Variants in PCDHGA10 observed in about 807,000 individuals in gnomAD.
PCDHGA10 encodes protocadherin gamma subfamily A, 10.
Under a neutral mutation model 59.5 loss-of-function variants are expected in PCDHGA10, and 42 were observed. That is an observed-to-expected ratio of 0.71 (90% CI 0.55 to 0.91). The LOEUF (loss-of-function observed/expected upper bound fraction) is 0.91. PCDHGA10 is among the 40% of genes least tolerant of loss of function. The pLI is 0.00. For missense variants in PCDHGA10, 1,111 were observed against 1,198.2 expected, an observed-to-expected ratio of 0.93 and a Z score of 1.07; for synonymous variants, 511 against 517.2, an observed-to-expected ratio of 0.99 and a Z score of 0.16.
chr5:141,469,372 C>T (rs780872014), intron 1 of PCDHGA10, among the ~76,000 whole-genome samples: 2 of 151,990 alleles, frequency 1.3e-5, no homozygotes, highest in African/African-American at 2.4e-5. Context: ...GTAAAGAGAT[C>T]GAGACCATCC....
intron 1 of PCDHGA10, chr5:141,421,722 G>C: frequency 6.2e-7 from 1 of 1,613,972 alleles, no homozygotes; most frequent in Non-Finnish European, 8.5e-7. Flanking sequence ...ATGTGGGCGT[G>C]AACTCCCTCC....
rs375404779 is a variant in PCDHGA10 at position 141,419,760 on chromosome 5, A to T, written c.2436+4149A>T. 11 of 1,613,876 alleles carry T rather than the reference A, an allele frequency of 6.8e-6. No homozygotes were observed. The highest frequency in any genetic ancestry group is 9.3e-6 in the Non-Finnish European group (11 of 1,179,904). On this transcript the variant is annotated intron_variant, in intron 1 of 3. Coordinates refer to ENST00000398610, the MANE Select transcript of PCDHGA10 (RefSeq NM_018913.3). ...GTGCGCATGGTGCGTGCTTTGGGTG[A>T]CAAGGACTCGGTCCGCCAGCGCCTG...
rs558074504 is a variant in PCDHGA10, at chr5:141,489,065, C to G, written c.2437-5742C>G. On this transcript the variant is annotated intron_variant, in intron 1 of 3. Coordinates refer to ENST00000398610, the MANE Select transcript of PCDHGA10 (RefSeq NM_018913.3). This position sits in a 1 kb window ranked among gnomAD's most constrained non-coding sequence, Gnocchi z 4.5. ...CCACTCAAATTCAGCTCCCCTCCCC[C>G]CTGCCCACCCCCGCCACTCGGTGAC... is the stretch of plus-strand genomic sequence containing the variant. The G allele has an allele frequency of 1.5e-4, 57 of 389,046 alleles. No homozygotes were observed. Among genetic ancestry groups the G allele is most frequent in the African/African-American group, 8.5e-4 (40 of 47,278 alleles). 24.1% of individuals were successfully genotyped at this position (389,046 alleles called of 1,614,324 possible).
At chr5:141,423,022 T>C in intron 1 of PCDHGA10, 1 of 1,614,194 alleles carries the variant, frequency 6.2e-7, no homozygotes, top group Non-Finnish European at 8.5e-7. Flanking sequence ...GGACAAAGAT[T>C]CAGGCCAGAA....
At chr5:141,459,735 T>A (rs114520602) in intron 1 of PCDHGA10, among the ~76,000 whole-genome samples, 1 of 152,374 alleles carries the variant, frequency 6.6e-6, no homozygotes, top group Non-Finnish European at 1.5e-5. Flanking sequence ...GTCAATTTTT[T>A]AAATTTTAGC....
chr5:141,444,265 A>G (rs1355824197), intron 1 of PCDHGA10, among the ~76,000 whole-genome samples: 3 of 133,712 alleles, frequency 2.2e-5, no homozygotes, highest in Non-Finnish European at 3.1e-5. Flanking sequence ...TCCGCCTCCC[A>G]GGTTCAAGTG....
intron 1 of PCDHGA10, chr5:141,423,606 GAT>G: frequency 6.2e-7 from 1 of 1,612,164 alleles, no homozygotes; most frequent in African/African-American, 1.3e-5. Flanking sequence ...AGCCACTCTT[GAT>G]AGCTGAAGAC....
At position 141,486,883 on chromosome 5, in the gene PCDHGA10, C is replaced by G. The variant is rs1234866888; in HGVS notation, c.2437-7924C>G. The G allele has an allele frequency of 1.2e-6, 2 of 1,614,214 alleles. No individual in the cohort carries two copies. ...CTCCAGCTGTGCTCCGTCCTCGGGC[C>G]CGGCCTGGTTCCTTATGTCCCCAAG... On this transcript the variant is annotated intron_variant, in intron 1 of 3. Coordinates refer to ENST00000398610, the MANE Select transcript of PCDHGA10 (RefSeq NM_018913.3). The surrounding 1 kb of genome is among the most constrained non-coding windows in gnomAD (Gnocchi z 5.0).
At position 141,511,256 on chromosome 5, in the gene PCDHGA10, T is replaced by C. The variant is rs1003866304; in HGVS notation, c.*83T>C. On this transcript the variant is annotated 3_prime_UTR_variant, in exon 4 of 4. Transcript: ENST00000398610. ...CTTACCTGCACCCAGGCCTCAGAGT[T>C]TCAGGGCTAACCCCCAGAATACTGG... The C allele has an allele frequency of 1.9e-6, 3 of 1,563,388 alleles. No homozygotes were observed. The highest frequency in any genetic ancestry group is 2.7e-5 in the African/African-American group (2 of 73,508).
chr5:141,503,392 C>T lies in PCDHGA10; in HGVS notation c.2496-2001C>T, dbSNP rs554732406. 1.2e-4 allele frequency among the ~76,000 whole-genome samples: 18 copies of T among 151,870 alleles called. No individual in the cohort carries two copies. The South Asian group carries it at 3.5e-3, about 30-fold the overall frequency. On this transcript the variant is annotated intron_variant, in intron 2 of 3. Transcript: ENST00000398610. ...CAGGTGGATCATGAGGTCAGGAGTT[C>T]GAAACCAACCTGGCCAATATGGTGA...
chr5:141,465,923 C>A (rs908350232), intron 1 of PCDHGA10, among the ~76,000 whole-genome samples: 2 of 152,062 alleles, frequency 1.3e-5, no homozygotes, highest in African/African-American at 4.8e-5. Flanking sequence ...GATTTCGAGT[C>A]CATCCTGGCT....
chr5:141,488,428 C>A (rs1234461104), intron 1 of PCDHGA10, among the ~76,000 whole-genome samples: 1 of 152,186 alleles, frequency 6.6e-6, no homozygotes, highest in Non-Finnish European at 1.5e-5. Context: ...CATGCTTGGC[C>A]TCTGACCACC....
chr5:141,417,524 T>C (rs2096128269), intron 1 of PCDHGA10: 1 of 271,098 alleles, frequency 3.7e-6, no homozygotes, highest in African/African-American at 2.2e-5. Flanking sequence ...GGCTGTCAAC[T>C]CGTAGTTTAA....
chr5:141,500,688 T>C (rs2099802014), intron 2 of PCDHGA10, among the ~76,000 whole-genome samples: 1 of 152,224 alleles, frequency 6.6e-6, no homozygotes, highest in Non-Finnish European at 1.5e-5. Flanking sequence ...TATAGCTTTT[T>C]TCTTCTTTGC....
At chr5:141,453,786 A>G (rs2098774297) in intron 1 of PCDHGA10, among the ~76,000 whole-genome samples, 1 of 152,252 alleles carries the variant, frequency 6.6e-6, no homozygotes, top group Non-Finnish European at 1.5e-5. Flanking sequence ...TTACCATGGT[A>G]TATTAACTTT....
chr5:141,510,804 T>C (rs965530116), intron 3 of PCDHGA10, 143 bp from the exon 4 acceptor site: 2 of 1,504,768 alleles, frequency 1.3e-6, no homozygotes, highest in Admixed American at 2.0e-5. Flanking sequence ...AGAGACTACC[T>C]TGGTGACCCC....
At position 141,491,151 on chromosome 5, in the gene PCDHGA10, T is replaced by C. The variant is rs1283775894; in HGVS notation, c.2437-3656T>C. The C allele has an allele frequency of 6.2e-7, 1 of 1,614,150 alleles. No individual in the cohort carries two copies. On this transcript the variant is annotated intron_variant, in intron 1 of 3. Transcript: ENST00000398610. The surrounding 1 kb of genome is among the most constrained non-coding windows in gnomAD (Gnocchi z 6.9). ...GCACAGCCCGGGCCTTACTGGAGGA[T>C]GACTCTGACACCCAGCAGGTGGTGG...
rs918375556 is a variant in PCDHGA10, at chr5:141,489,318, G to C, written c.2437-5489G>C. 6.3e-7 allele frequency: 1 copy of C among 1,598,974 alleles called. No individual in the cohort carries two copies. Among genetic ancestry groups the C allele is most frequent in the African/African-American group, 1.3e-5 (1 of 74,510 alleles). On this transcript the variant is annotated intron_variant, in intron 1 of 3. Coordinates refer to ENST00000398610, the MANE Select transcript of PCDHGA10 (RefSeq NM_018913.3). The surrounding 1 kb of genome is among the most constrained non-coding windows in gnomAD (Gnocchi z 4.5). ...TGTTGTCCTTGTGCTGCTGGGGCTG[G>C]GTGTCTGGGCAGCTTCGTTACTCAG...
At chr5:141,422,997 C>A in intron 1 of PCDHGA10, 3 of 1,614,218 alleles carry the variant, frequency 1.9e-6, no homozygotes, top group Non-Finnish European at 2.5e-6. Flanking sequence ...ACCTGGTGAC[C>A]AAGGTGGTTG....
Sources: gnomAD v4.1 joint callset for allele counts (sites outside exome capture counted in the v4.1 genomes callset) on GRCh38, gnomAD v4.1.1 for gene constraint, Gnocchi (gnomAD v3.1) non-coding constraint, MANE v1.5 for transcripts, NCBI Gene and HGNC (gene_info 2026-07-23, HGNC 2026-07-21) for gene names.